The following PSAP variants were observed in gnomAD, a reference collection of about 807,000 sequenced individuals.
PSAP encodes the protein precursor of saposins.
A neutral mutation model predicts 66.0 loss-of-function variants in PSAP; 25 were observed. The observed-to-expected ratio is 0.38, with a 90% CI of 0.28 to 0.53. PSAP has a LOEUF of 0.53. PSAP is among the 20% of genes least tolerant of loss of function. The pLI, the probability that PSAP is intolerant of heterozygous loss-of-function variation, is 0.83. For missense variants in PSAP, 649 were observed against 668.8 expected (o/e 0.97, Z 0.33); for synonymous variants, 273 against 258.9 (o/e 1.05, Z -0.52).
At chr10:71,834,551 C>A (rs757726291) in intron 1 of PSAP, 46 bp from the exon 2 acceptor site, 2 of 1,606,312 alleles carry the variant, frequency 1.2e-6, no homozygotes, top group East Asian at 2.2e-5. Flanking sequence ...TTGTAGCAAA[C>A]CAGGTCGACC....
At chr10:71,836,735 G>A (rs536897490) in intron 1 of PSAP, among the ~76,000 whole-genome samples, 23 of 152,158 alleles carry the variant, frequency 1.5e-4, no homozygotes, top group Non-Finnish European at 3.1e-4. Context: ...TGTCCACCCA[G>A]CTACTTTCTC....
intron 1 of PSAP, among the ~76,000 whole-genome samples, chr10:71,839,412 G>GT: frequency 6.6e-6 from 1 of 151,928 alleles, no homozygotes. Flanking sequence ...GCTAATTTTT[G>GT]TATTTTTAGT....
At chr10:71,827,943 C>A in intron 6 of PSAP, 71 bp downstream of exon 6, 5 of 1,596,208 alleles carry the variant, frequency 3.1e-6, no homozygotes, top group Non-Finnish European at 3.4e-6. Flanking sequence ...TGTCTGAACG[C>A]CCTACTCCAG....
chr10:71,848,367 G>A (rs1234595244), intron 1 of PSAP, among the ~76,000 whole-genome samples: 1 of 152,224 alleles, frequency 6.6e-6, no homozygotes, highest in African/African-American at 2.4e-5. Flanking sequence ...TATGGAAAAA[G>A]CGAGCACTGT....
intron 11 of PSAP, 60 bp from the exon 12 acceptor site, chr10:71,819,171 CA>C: frequency 6.8e-7 from 1 of 1,463,280 alleles, no homozygotes; most frequent in Non-Finnish European, 9.6e-7. Context: ...TAGTGGGGCA[CA>C]AAAGGCCAGG....
chr10:71,828,244 G>A (rs1202144450), intron 5 of PSAP, 87 bp from the exon 6 acceptor site: 3 of 1,448,500 alleles, frequency 2.1e-6, no homozygotes, highest in African/African-American at 2.8e-5. Flanking sequence ...GCAGCATTAG[G>A]GGGCACTTGC....
intron 1 of PSAP, among the ~76,000 whole-genome samples, chr10:71,837,281 T>C (rs975796332): frequency 6.6e-6 from 1 of 152,164 alleles, no homozygotes; most frequent in Non-Finnish European, 1.5e-5. Context: ...CATGATGACA[T>C]ACGTTCATAG....
chr10:71,829,638 T>C (rs1842472473), intron 4 of PSAP, among the ~76,000 whole-genome samples: 1 of 152,186 alleles, frequency 6.6e-6, no homozygotes, highest in African/African-American at 2.4e-5. Flanking sequence ...TATGTCTTTA[T>C]TAGTAGCATG....
chr10:71,829,719 C>T (rs1044292750), intron 4 of PSAP, among the ~76,000 whole-genome samples: 4 of 152,136 alleles, frequency 2.6e-5, no homozygotes, highest in African/African-American at 9.7e-5. Context: ...GAACAGGAGG[C>T]CAGGCGCAGT....
chr10:71,816,440 C>T lies in PSAP; in HGVS notation c.*1001G>A. Reference sequence around the variant, plus strand: ...CCAGAAGTGGACAGAAGCGTGGGTGCCCAAGTGGGCCACAGACAGCTTCCA... The same window carrying T: ...CCAGAAGTGGACAGAAGCGTGGGTGTCCAAGTGGGCCACAGACAGCTTCCA... On this transcript the variant is annotated 3_prime_UTR_variant, in exon 14 of 14. Coordinates refer to ENST00000394936, the MANE Select transcript of PSAP (RefSeq NM_002778.4). 2.1e-6 allele frequency: 1 copy of T among 471,222 alleles called. No individual in the cohort carries two copies. The highest frequency in any genetic ancestry group is 4.4e-6 in the Non-Finnish European group (1 of 227,054). 29.2% of individuals were successfully genotyped at this position (471,222 alleles called of 1,614,324 possible).
intron 11 of PSAP, 174 bp downstream of exon 11, chr10:71,819,291 G>A (rs1200858165): frequency 9.1e-7 from 1 of 1,096,370 alleles, no homozygotes; most frequent in South Asian, 1.3e-5. Context: ...TCTACTTCAG[G>A]TTGCTTCCCC....
At chr10:71,825,951 A>C in intron 6 of PSAP, 58 bp from the exon 7 acceptor site, 2 of 1,409,592 alleles carry the variant, frequency 1.4e-6, no homozygotes, top group Non-Finnish European at 2.0e-6. Context: ...CCAAAACCCA[A>C]CCAACAAAAA....
chr10:71,842,365 T>C (rs1270794087), intron 1 of PSAP, among the ~76,000 whole-genome samples: 1 of 152,226 alleles, frequency 6.6e-6, no homozygotes, highest in East Asian at 1.9e-4. Context: ...AAAAATATAA[T>C]ACATACAATA....
chr10:71,828,763 C>CACGCACAGGGATAA, intron 5 of PSAP, 114 bp downstream of exon 5: 1 of 1,144,410 alleles, frequency 8.7e-7, no homozygotes, highest in Non-Finnish European at 1.3e-6. Flanking sequence ...ACTGCAGAGT[C>CACGCACAGGGATAA]ACGCACAGGG....
At chr10:71,846,705 C>G (rs1385931044) in intron 1 of PSAP, among the ~76,000 whole-genome samples, 1 of 131,960 alleles carries the variant, frequency 7.6e-6, no homozygotes, top group Non-Finnish European at 1.5e-5. Context: ...GCACTCCAGC[C>G]TGGGCAACAG....
intron 4 of PSAP, among the ~76,000 whole-genome samples, chr10:71,829,597 T>C (rs1166769996): frequency 6.6e-6 from 1 of 152,188 alleles, no homozygotes; most frequent in African/African-American, 2.4e-5. Flanking sequence ...TAAACCTTTT[T>C]TTCTTTTTTT....
chr10:71,823,480 G>C (rs1376342029), intron 7 of PSAP, among the ~76,000 whole-genome samples: 1 of 152,226 alleles, frequency 6.6e-6, no homozygotes, highest in African/African-American at 2.4e-5. Context: ...TACTTGCGTT[G>C]TGACAGACAC....
chr10:71,825,946 A>C, intron 6 of PSAP, 53 bp from the exon 7 acceptor site: 1 of 1,503,020 alleles, frequency 6.7e-7, no homozygotes, highest in Non-Finnish European at 9.3e-7. Flanking sequence ...ATGCACCAAA[A>C]CCCAACCAAC....
intron 1 of PSAP, among the ~76,000 whole-genome samples, chr10:71,846,726 T>C (rs1298477793): frequency 2.8e-4 from 20 of 71,796 alleles, no homozygotes; most frequent in Admixed American, 9.9e-4. Flanking sequence ...AGTAAGACCC[T>C]GTCTCAAAAA....
Sources: gnomAD v4.1 joint callset for allele counts (sites outside exome capture counted in the v4.1 genomes callset) on GRCh38, gnomAD v4.1.1 for gene constraint, MANE v1.5 for transcripts, NCBI Gene and HGNC (gene_info 2026-07-23, HGNC 2026-07-21) for gene names.